Variants in SULF1 observed in about 807,000 individuals in gnomAD.
SULF1 encodes sulfatase 1.
A neutral mutation model predicts 110.5 loss-of-function variants in SULF1; 46 were observed. That is an observed-to-expected ratio of 0.42 (90% confidence interval 0.33 to 0.53). SULF1 has a LOEUF of 0.53. SULF1 is among the 20% of genes least tolerant of loss of function. The probability of loss-of-function intolerance (pLI) is 0.12; values close to 1 mark genes in which losing one functional copy is unlikely to be tolerated. For synonymous variants in SULF1, 371 were observed against 387.1 expected (o/e 0.96, Z 0.49); for missense variants, 941 against 1,094.2 (o/e 0.86, Z 1.98).
intron 3 of SULF1, among the ~76,000 whole-genome samples, chr8:69,548,614 A>ATTTTTTTTTTT (rs3059933): frequency 5.0e-5 from 6 of 120,900 alleles, no homozygotes; most frequent in African/African-American, 9.8e-5. Flanking sequence ...TGCCTCGCTG[A>ATTTTTTTTTTT]TTTTTTTTTT....
At chr8:69,611,986 A>T (rs959848617) in intron 13 of SULF1, among the ~76,000 whole-genome samples, 2 of 152,134 alleles carry the variant, frequency 1.3e-5, no homozygotes, top group African/African-American at 2.4e-5. Flanking sequence ...GTAGTCTTTT[A>T]TCCCTCACCT....
chr8:69,656,152 A>T (rs1438388440), intron 22 of SULF1, among the ~76,000 whole-genome samples: 2 of 152,206 alleles, frequency 1.3e-5, no homozygotes, highest in African/African-American at 4.8e-5. Flanking sequence ...CTGATTTCAG[A>T]TGGCTTTTCC....
rs1408722140 is a variant in SULF1 at position 69,594,209 on chromosome 8, G to A, written c.734+5068G>A. ...TGGAATTACAGGCATGCGCCACCAC[G>A]CTCGGCTAATTTTGTATTTTTAGTG... is the stretch of plus-strand genomic sequence containing the variant. On this transcript the variant is annotated intron_variant, in intron 8 of 22. Transcript: ENST00000402687. 5.3e-5 allele frequency among the ~76,000 whole-genome samples: 8 copies of A among 152,144 alleles called. No homozygotes were observed. In the East Asian group the frequency reaches 9.7e-4, roughly 18 times the overall value.
intron 5 of SULF1, among the ~76,000 whole-genome samples, chr8:69,572,165 G>A (rs1484552537): frequency 2.0e-5 from 3 of 152,130 alleles, no homozygotes; most frequent in Admixed American, 1.3e-4. Context: ...GAGACCTATC[G>A]CGACTGCAAG....
At chr8:69,507,153 A>G (rs1431305283) in intron 3 of SULF1, among the ~76,000 whole-genome samples, 1 of 152,230 alleles carries the variant, frequency 6.6e-6, no homozygotes, top group Non-Finnish European at 1.5e-5. Flanking sequence ...TTACAACACC[A>G]TGAATTCAAA....
intron 19 of SULF1, among the ~76,000 whole-genome samples, chr8:69,632,793 G>A (rs1327901141): frequency 6.6e-6 from 1 of 152,176 alleles, no homozygotes; most frequent in Non-Finnish European, 1.5e-5. Context: ...GGGAGGCCAA[G>A]GTCAGAGGAT....
intron 3 of SULF1, among the ~76,000 whole-genome samples, chr8:69,511,284 A>G (rs1811541256): frequency 6.6e-6 from 1 of 151,994 alleles, no homozygotes; most frequent in African/African-American, 2.4e-5. Flanking sequence ...TTCTCTTTGG[A>G]TTTGTTTACC....
At chr8:69,510,817 A>G (rs1482037460) in intron 3 of SULF1, among the ~76,000 whole-genome samples, 1 of 151,952 alleles carries the variant, frequency 6.6e-6, no homozygotes, top group Non-Finnish European at 1.5e-5. Context: ...GGGTTTTGCC[A>G]TATTGGCCAG....
At chr8:69,614,197 G>A (rs1808897756) in intron 13 of SULF1, among the ~76,000 whole-genome samples, 1 of 152,190 alleles carries the variant, frequency 6.6e-6, no homozygotes, top group African/African-American at 2.4e-5. Context: ...AAAGGCTAAT[G>A]TGGCATAGCT....
intron 3 of SULF1, among the ~76,000 whole-genome samples, chr8:69,552,249 G>C (rs1033163687): frequency 6.6e-6 from 1 of 152,162 alleles, no homozygotes; most frequent in African/African-American, 2.4e-5. Context: ...CTCTTGCGTA[G>C]CTCTTTTAAA....
At chr8:69,474,938 A>G (rs1279948456) in intron 1 of SULF1, among the ~76,000 whole-genome samples, 1 of 152,190 alleles carries the variant, frequency 6.6e-6, no homozygotes, top group African/African-American at 2.4e-5. Context: ...CAAGATGGCA[A>G]AAGACATGGC....
At chr8:69,544,523 T>C (rs1586357635) in intron 3 of SULF1, among the ~76,000 whole-genome samples, 1 of 152,194 alleles carries the variant, frequency 6.6e-6, no homozygotes, top group Non-Finnish European at 1.5e-5. Flanking sequence ...TGCCTCAGCC[T>C]CCAAAAGTGC....
At chr8:69,516,803 T>G (rs1377874594) in intron 3 of SULF1, among the ~76,000 whole-genome samples, 5 of 152,156 alleles carry the variant, frequency 3.3e-5, no homozygotes, top group Non-Finnish European at 7.3e-5. Context: ...GGTTCTATAT[T>G]ATAATATTAC....
At chr8:69,522,340 C>T (rs1812367988) in intron 3 of SULF1, among the ~76,000 whole-genome samples, 1 of 152,162 alleles carries the variant, frequency 6.6e-6, no homozygotes, top group African/African-American at 2.4e-5. Context: ...CCACCGTGCT[C>T]AGCCAAAGAC....
chr8:69,624,633 G>A (rs1008928972), intron 15 of SULF1, among the ~76,000 whole-genome samples: 3 of 152,186 alleles, frequency 2.0e-5, no homozygotes, highest in Non-Finnish European at 2.9e-5. Context: ...TGTAGTCACA[G>A]ACTCAGAAAC....
At position 69,542,712 on chromosome 8, in the gene SULF1, G is replaced by A. The variant is rs560982739; in HGVS notation, c.-133-20827G>A. On this transcript the variant is annotated intron_variant, in intron 3 of 22. Coordinates refer to ENST00000402687, the MANE Select transcript of SULF1 (RefSeq NM_001128205.2). The stretch of plus-strand genomic sequence containing the variant: ...ATACGATGACTTCTGAAGTCCATTC[G>A]TGATTCCTGAAAACAGAAATTTAGG... Among the ~76,000 whole-genome samples, 13 of 152,268 alleles carry A rather than the reference G, an allele frequency of 8.5e-5. No individual in the cohort carries two copies. In the South Asian group the frequency reaches 2.1e-3, roughly 24 times the overall value.
At chr8:69,527,770 C>A (rs1294655369) in intron 3 of SULF1, among the ~76,000 whole-genome samples, 1 of 151,954 alleles carries the variant, frequency 6.6e-6, no homozygotes, top group Non-Finnish European at 1.5e-5. Context: ...TTAGTGTGGG[C>A]AAGTGTGTAT....
intron 1 of SULF1, among the ~76,000 whole-genome samples, chr8:69,479,561 T>G (rs185020227): frequency 5.3e-5 from 8 of 152,286 alleles, no homozygotes; most frequent in African/African-American, 1.9e-4. Flanking sequence ...TCTTATTTGT[T>G]GTTGTTGCTT....
intron 1 of SULF1, among the ~76,000 whole-genome samples, chr8:69,468,720 A>G (rs1475155675): frequency 1.3e-5 from 2 of 152,240 alleles, no homozygotes; most frequent in African/African-American, 4.8e-5. Context: ...TTAGAACTAC[A>G]TGGACAGCAT....
Sources: gnomAD v4.1 joint callset for allele counts (sites outside exome capture counted in the v4.1 genomes callset) on GRCh38, gnomAD v4.1.1 for gene constraint, MANE v1.5 for transcripts, NCBI Gene and HGNC (gene_info 2026-07-23, HGNC 2026-07-21) for gene names.